The following SPICE1 variants were observed in gnomAD, a reference collection of about 807,000 sequenced individuals.
SPICE1 encodes spindle and centriole associated protein 1.
SPICE1 carries 75 observed loss-of-function variants against 102.7 expected under a neutral mutation model. The ratio of observed to expected loss-of-function variants is 0.73; its 90% confidence interval spans 0.61 to 0.88. SPICE1 has a LOEUF of 0.88. Ranked by LOEUF, SPICE1 falls within the 40% of genes least tolerant of loss-of-function variation. The pLI is 0.00. For synonymous variants in SPICE1, 308 were observed against 350.3 expected (o/e 0.88, Z 1.35); for missense variants, 979 against 1,020.1 (o/e 0.96, Z 0.55).
intron 7 of SPICE1, among the ~76,000 whole-genome samples, chr3:113,488,065 A>T (rs1936684276): frequency 6.6e-6 from 1 of 152,210 alleles, no homozygotes; most frequent in Non-Finnish European, 1.5e-5. Context: ...AAATATAATA[A>T]GTGATTACGA....
Position 113,458,037 on chromosome 3 carries a change from T to C in SPICE1, c.1436-680A>G, listed in dbSNP as rs542021566. 1.8e-4 allele frequency among the ~76,000 whole-genome samples: 28 copies of C among 152,294 alleles called. 1 individual carries two copies. The South Asian group carries it at 5.0e-3, about 27-fold the overall frequency. On this transcript the variant is annotated intron_variant, in intron 12 of 17. Transcript: ENST00000295872. ...ATTATCACAACATAGTCACATTCCA[T>C]AGTATTTTAAAAGAGTTACAAGAGC...
chr3:113,478,840 A>G (rs1236713459), intron 7 of SPICE1, among the ~76,000 whole-genome samples: 2 of 152,180 alleles, frequency 1.3e-5, no homozygotes, highest in African/African-American at 4.8e-5. Context: ...ATTTGATCAT[A>G]TATTAGGTCA....
chr3:113,483,680 T>C (rs916446880), intron 7 of SPICE1, among the ~76,000 whole-genome samples: 1 of 152,234 alleles, frequency 6.6e-6, no homozygotes, highest in Non-Finnish European at 1.5e-5. Context: ...GGATTACATT[T>C]ATTTTTTTGC....
At chr3:113,465,040 A>G (rs529721813) in intron 11 of SPICE1, among the ~76,000 whole-genome samples, 3 of 151,754 alleles carry the variant, frequency 2.0e-5, no homozygotes, top group Non-Finnish European at 4.4e-5. Flanking sequence ...CAGGAGGTCC[A>G]GGCTGCAATG....
At chr3:113,462,294 C>T (rs1369860662) in intron 11 of SPICE1, among the ~76,000 whole-genome samples, 1 of 152,208 alleles carries the variant, frequency 6.6e-6, no homozygotes, top group Non-Finnish European at 1.5e-5. Context: ...TGCTGAGGCA[C>T]CTCAGGGCAC....
intron 7 of SPICE1, among the ~76,000 whole-genome samples, chr3:113,469,620 T>C (rs919403755): frequency 6.6e-6 from 1 of 151,134 alleles, no homozygotes; most frequent in African/African-American, 2.4e-5. Flanking sequence ...AATAGTTACA[T>C]GTTTGATTTG....
In SPICE1 at chr3:113,444,707, C is replaced by T. The variant is rs1935472377; in HGVS notation, c.*600G>A. On this transcript the variant is annotated 3_prime_UTR_variant, in exon 18 of 18. Coordinates refer to ENST00000295872, the MANE Select transcript of SPICE1 (RefSeq NM_144718.4). ...ATGACATTTTCACATTTAAAAACTA[C>T]ATAAGATTTTATAATAAATGCAACC... 1 of 152,058 alleles carries T rather than the reference C, an allele frequency of 6.6e-6. No homozygotes were observed. The highest frequency in any genetic ancestry group is 2.4e-5 in the African/African-American group (1 of 41,390). The allele number at this position is 152,058 out of a possible 1,614,324, so 9.4% of individuals were successfully genotyped here.
rs1375799400 is a variant in SPICE1 at position 113,514,569 on chromosome 3, G to A, written c.-1+328C>T. 4 of 448,898 alleles carry A rather than the reference G, an allele frequency of 8.9e-6. No homozygotes were observed. In the Admixed American group the frequency reaches 9.7e-5, roughly 11 times the overall value. 27.8% of individuals were successfully genotyped at this position (448,898 alleles called of 1,614,324 possible). ...CCAAGCTCTCGCCTCACACACAGTT[G>A]CAACCATTCTTTTCCCTCTGCTTGG... is the stretch of plus-strand genomic sequence containing the variant. On this transcript the variant is annotated intron_variant, in intron 1 of 17. Transcript: ENST00000295872.
intron 15 of SPICE1, chr3:113,449,616 A>G (rs1255696393): frequency 2.6e-5 from 4 of 152,336 alleles, no homozygotes; most frequent in African/African-American, 9.6e-5. Context: ...TCAACCAGAA[A>G]TAAGACATAT....
At chr3:113,448,258 T>A in intron 15 of SPICE1, 118 bp from the exon 16 acceptor site, 2 of 887,158 alleles carry the variant, frequency 2.3e-6, no homozygotes, top group Non-Finnish European at 3.2e-6. Flanking sequence ...CCATCTGTTT[T>A]AATCTTAGCC....
intron 6 of SPICE1, among the ~76,000 whole-genome samples, chr3:113,489,344 A>G (rs1019215364): frequency 1.3e-5 from 2 of 152,110 alleles, no homozygotes; most frequent in African/African-American, 4.8e-5. Context: ...AGCTATATAT[A>G]TCTTCTTTCT....
At chr3:113,497,794 C>A (rs1936928182) in intron 4 of SPICE1, among the ~76,000 whole-genome samples, 1 of 150,382 alleles carries the variant, frequency 6.6e-6, no homozygotes. Flanking sequence ...TCACTGCAAC[C>A]CGGATTCAAG....
At chr3:113,453,402 G>A in intron 14 of SPICE1, 64 bp downstream of exon 14, 1 of 1,517,094 alleles carries the variant, frequency 6.6e-7, no homozygotes. Flanking sequence ...TTCTTAAGTT[G>A]CCCAAGCTAA....
rs1268345388 is a variant in SPICE1 at position 113,468,752 on chromosome 3, G to C, written c.889+10C>G. 7 of 1,604,368 alleles carry C rather than the reference G, an allele frequency of 4.4e-6. No individual in the cohort carries two copies. The highest frequency in any genetic ancestry group is 5.1e-6 in the Non-Finnish European group (6 of 1,177,554). ...TTTAATATTCATCTTTGTAAATTAA[G>C]GGACTGAACCTTTATTTAACAGCTG... On this transcript the variant is annotated intron_variant, in intron 9 of 17. Transcript: ENST00000295872.
At chr3:113,481,566 G>GC (rs1936504672) in intron 7 of SPICE1, among the ~76,000 whole-genome samples, 1 of 150,474 alleles carries the variant, frequency 6.6e-6, no homozygotes, top group Non-Finnish European at 1.5e-5. Flanking sequence ...CCCTCCCCTA[G>GC]CCCCCCCAAC....
chr3:113,491,624 C>CAAAAAAAAAAAAAA (rs869171154), intron 6 of SPICE1, among the ~76,000 whole-genome samples: 21 of 38,106 alleles, frequency 5.5e-4, no homozygotes, highest in Non-Finnish European at 7.3e-4. Context: ...GACTCCGTCT[C>CAAAAAAAAAAAAAA]AAAAAAAAAA....
chr3:113,469,713 T>C (rs1260048930), intron 7 of SPICE1, among the ~76,000 whole-genome samples: 5 of 152,106 alleles, frequency 3.3e-5, no homozygotes, highest in African/African-American at 9.7e-5. Context: ...AAAATGCCTA[T>C]CACCTTAGTG....
chr3:113,457,594 C>A (rs1001296566), intron 12 of SPICE1, among the ~76,000 whole-genome samples: 2 of 152,120 alleles, frequency 1.3e-5, no homozygotes, highest in Non-Finnish European at 2.9e-5. Context: ...GGCCTCAAAG[C>A]CATGAAAAGC....
chr3:113,459,956 C>A (rs1935887689), intron 12 of SPICE1: 5 of 984,946 alleles, frequency 5.1e-6, no homozygotes, highest in Non-Finnish European at 6.0e-6. Context: ...GAGTTTACCT[C>A]ATGCAAGTTA....
Sources: gnomAD v4.1 joint callset for allele counts (sites outside exome capture counted in the v4.1 genomes callset) on GRCh38, gnomAD v4.1.1 for gene constraint, MANE v1.5 for transcripts, NCBI Gene and HGNC (gene_info 2026-07-23, HGNC 2026-07-21) for gene names.